Variants in PADI1 observed in about 807,000 individuals in gnomAD.
PADI1 encodes the protein protein-arginine deiminase type-1.
PADI1 carries 65 observed loss-of-function variants against 74.8 expected under a neutral mutation model. That is an observed-to-expected ratio of 0.87 (90% CI 0.71 to 1.07). PADI1 has a LOEUF of 1.07. Among genes scored for constraint, PADI1 ranks in the 50% least tolerant of loss-of-function variants. The pLI, the probability that PADI1 is intolerant of heterozygous loss-of-function variation, is 0.00. For synonymous variants in PADI1, 371 were observed against 336.2 expected (o/e 1.10, Z -1.13); for missense variants, 943 against 854.0 (o/e 1.10, Z -1.30).
At chr1:17,206,440 G>A (rs2071684420) in intron 1 of PADI1, among the ~76,000 whole-genome samples, 1 of 152,146 alleles carries the variant, frequency 6.6e-6, no homozygotes, top group Non-Finnish European at 1.5e-5. Flanking sequence ...TTGACTCTAA[G>A]TTGCTGCTGG....
intron 11 of PADI1, among the ~76,000 whole-genome samples, chr1:17,235,185 GAAAGAAGGAAGGAAGGGAGGGAGGGAGGA>G (rs2072600290): frequency 1.5e-5 from 2 of 129,316 alleles, no homozygotes; most frequent in African/African-American, 5.8e-5. Context: ...AGGAAGGAAG[GAAAGAAGGAAGGAAGGGAGGGAGGGAGGA>G]AGGGAAGGAA....
chr1:17,226,007 G>A lies in PADI1; in HGVS notation c.527-26G>A, dbSNP rs202029460. 4.3e-5 allele frequency: 70 copies of A among 1,612,712 alleles called. No individual in the cohort carries two copies. In the East Asian group the frequency reaches 1.4e-3, roughly 32 times the overall value. Reference sequence around the variant, plus strand: ...CCTGTTGGTGGGGTGGAGAAAGGGCGATCTCAAGAGGGCCACTCTCTCCAG... The same window carrying A: ...CCTGTTGGTGGGGTGGAGAAAGGGCAATCTCAAGAGGGCCACTCTCTCCAG... On this transcript the variant is annotated intron_variant, in intron 5 of 15. Transcript: ENST00000375471.
intron 11 of PADI1, 147 bp from the exon 12 acceptor site, chr1:17,237,167 T>C: frequency 2.4e-6 from 2 of 825,524 alleles, no homozygotes; most frequent in Non-Finnish European, 3.7e-6. Flanking sequence ...CATTCTCTGC[T>C]GTCTTGGCTT....
chr1:17,207,491 A>G (rs2071714596), intron 1 of PADI1, among the ~76,000 whole-genome samples: 1 of 152,054 alleles, frequency 6.6e-6, no homozygotes, highest in Admixed American at 6.5e-5. Flanking sequence ...CATGTATAAG[A>G]CCCCTTGCGC....
At chr1:17,221,938 T>A (rs1331804882) in intron 1 of PADI1, among the ~76,000 whole-genome samples, 5 of 152,332 alleles carry the variant, frequency 3.3e-5, no homozygotes, top group South Asian at 2.1e-4. Context: ...CACGGACCCA[T>A]GAGAAAGCTG....
rs537606862 is a variant in PADI1 at position 17,213,106 on chromosome 1, C to T, written c.92+7797C>T. On this transcript the variant is annotated intron_variant, in intron 1 of 15. Coordinates refer to ENST00000375471, the MANE Select transcript of PADI1 (RefSeq NM_013358.3). ...TTTAATACCAGCCAGGACAGCTTCT[C>T]ACTTTGCTATCTGGGTGACCTGAGT... Among the ~76,000 whole-genome samples, 28 of 152,362 alleles carry T rather than the reference C, an allele frequency of 1.8e-4. 1 individual carries two copies. The East Asian group carries it at 4.6e-3, about 25-fold the overall frequency.
intron 1 of PADI1, among the ~76,000 whole-genome samples, chr1:17,210,676 A>G (rs752504276): frequency 2.0e-5 from 3 of 152,114 alleles, no homozygotes; most frequent in Non-Finnish European, 4.4e-5. Flanking sequence ...CAGCCACATC[A>G]TGTGTGATTC....
chr1:17,238,821 A>C, intron 13 of PADI1, 112 bp downstream of exon 13: 1 of 478,228 alleles, frequency 2.1e-6, no homozygotes, highest in Non-Finnish European at 3.6e-6. Context: ...CCCAACACCC[A>C]CTCTCTGTTT....
intron 12 of PADI1, 123 bp from the exon 13 acceptor site, chr1:17,238,493 T>G (rs1033359127): frequency 1.2e-4 from 52 of 438,398 alleles, no homozygotes. Flanking sequence ...GTGGCTGGGG[T>G]GTAGACCGAG....
intron 15 of PADI1, among the ~76,000 whole-genome samples, 199 bp from the exon 16 acceptor site, chr1:17,243,811 C>T (rs988682689): frequency 6.6e-6 from 1 of 152,162 alleles, no homozygotes; most frequent in African/African-American, 2.4e-5. Flanking sequence ...TATTCAACCT[C>T]ATTTCCAACC....
At chr1:17,205,433 G>A in intron 1 of PADI1, 124 bp downstream of exon 1, 2 of 766,100 alleles carry the variant, frequency 2.6e-6, no homozygotes, top group Non-Finnish European at 4.5e-6. Context: ...TAGCAGAGAA[G>A]GTGGAGTTGG....
At chr1:17,214,772 C>T (rs2071930032) in intron 1 of PADI1, among the ~76,000 whole-genome samples, 1 of 152,220 alleles carries the variant, frequency 6.6e-6, no homozygotes, top group African/African-American at 2.4e-5. Flanking sequence ...CATGACCAGG[C>T]CCACAGATCT....
In PADI1 at chr1:17,237,365, G is replaced by A; in HGVS notation, c.1365G>A (p.Gln455=). The change falls in exon 12 of 16, where the codon CAG becomes CAA. Residue 455 remains glutamine, a synonymous_variant. Transcript: ENST00000375471. ...ARAVRNFLKA[Q]QVQAPVELYS... is the part of the protein sequence containing the mutation. The stretch of plus-strand genomic sequence containing the variant: ...CAGTGCGGAACTTCCTGAAGGCACA[G>A]CAGGTGCAGGCACCCGTGGAGCTCT... 2.5e-6 allele frequency: 4 copies of A among 1,613,380 alleles called. No individual in the cohort carries two copies. The highest frequency in any genetic ancestry group is 3.4e-6 in the Non-Finnish European group (4 of 1,179,608).
chr1:17,207,685 C>A (rs897654365), intron 1 of PADI1, among the ~76,000 whole-genome samples: 4 of 152,198 alleles, frequency 2.6e-5, no homozygotes, highest in African/African-American at 9.7e-5. Context: ...CCTGGCCCAG[C>A]GGAGGGGCAA....
At position 17,244,145 on chromosome 1, in the gene PADI1, G is replaced by A; in HGVS notation, c.1894G>A (p.Asp632Asn). The A allele has an allele frequency of 1.2e-6, 2 of 1,614,208 alleles. No homozygotes were observed. Among genetic ancestry groups the A allele is most frequent in the African/African-American group, 1.3e-5 (1 of 75,050 alleles). Residue 632 changes from aspartate (D) to asparagine (N), a missense_variant, in exon 16 of 16, where the codon GAC (aspartate) becomes AAC (asparagine). Coordinates refer to ENST00000375471, the MANE Select transcript of PADI1 (RefSeq NM_013358.3). ...PLGLHCIFID[D>N]YLSYHELQGE... ...GGGCCTGCACTGCATCTTCATTGATGACTACTTGTCCTACCACGAGCTGCA... is the reference window on the plus strand; with the variant it reads ...GGGCCTGCACTGCATCTTCATTGATAACTACTTGTCCTACCACGAGCTGCA...
chr1:17,231,261 T>C (rs1234783489), intron 10 of PADI1, among the ~76,000 whole-genome samples: 1 of 152,146 alleles, frequency 6.6e-6, no homozygotes, highest in Non-Finnish European at 1.5e-5. Flanking sequence ...TTCCTCTTTA[T>C]GGATGAGGAA....
chr1:17,229,084 T>A (rs370510276), intron 8 of PADI1, 33 bp downstream of exon 8: 2 of 1,357,300 alleles, frequency 1.5e-6, no homozygotes, highest in African/African-American at 1.4e-5. Flanking sequence ...CTCCCCCAAG[T>A]CTGGAGTGCA....
At chr1:17,215,637 G>T (rs933538323) in intron 1 of PADI1, among the ~76,000 whole-genome samples, 3 of 152,212 alleles carry the variant, frequency 2.0e-5, no homozygotes, top group Admixed American at 1.3e-4. Flanking sequence ...TGGAACTCAT[G>T]GGCCAGGCCG....
chr1:17,229,139 AC>A, intron 8 of PADI1, 88 bp downstream of exon 8: 2 of 798,556 alleles, frequency 2.5e-6, no homozygotes, highest in Non-Finnish European at 4.1e-6. Context: ...CCTCACTCAC[AC>A]CGACGGATTC....
Sources: gnomAD v4.1 joint callset for allele counts (sites outside exome capture counted in the v4.1 genomes callset) on GRCh38, gnomAD v4.1.1 for gene constraint, MANE v1.5 for transcripts, NCBI Gene and HGNC (gene_info 2026-07-23, HGNC 2026-07-21) for gene names.